Variants in RGS6 observed in about 807,000 individuals in gnomAD.
RGS6 encodes the protein regulator of G protein signaling 6, also known as regulator of G-protein signaling 6.
Under a neutral mutation model 78.5 loss-of-function variants are expected in RGS6, and 30 were observed. The ratio of observed to expected loss-of-function variants is 0.38; its 90% CI spans 0.29 to 0.52. RGS6 has a LOEUF of 0.52. RGS6 is among the 20% of genes least tolerant of loss of function. The pLI is 0.85. For missense variants in RGS6, 495 were observed against 609.7 expected (o/e 0.81, Z 1.98); for synonymous variants, 206 against 206.0 (o/e 1.00, Z 0.00).
intron 2 of RGS6, among the ~76,000 whole-genome samples, chr14:72,172,666 G>T (rs2097040988): frequency 6.6e-6 from 1 of 152,110 alleles, no homozygotes. Context: ...ATTTGGCATT[G>T]GATCTAGCAC....
At chr14:72,571,857 C>T in the RGS6 span, among the ~76,000 whole-genome samples, 3 of 152,182 alleles carry the variant, frequency 2.0e-5, no homozygotes, top group South Asian at 6.2e-4. Flanking sequence ...TCAAAGAACA[C>T]CATCAATAAA....
chr14:71,885,770 T>TA, the RGS6 span, among the ~76,000 whole-genome samples: 4 of 3,980 alleles, frequency 1.0e-3, no homozygotes, highest in African/African-American at 0.012. Flanking sequence ...TCCAATGCTG[T>TA]CTCTACTTTT....
the RGS6 span, among the ~76,000 whole-genome samples, chr14:72,627,664 C>T: frequency 6.6e-6 from 1 of 151,922 alleles, no homozygotes; most frequent in African/African-American, 2.4e-5. Flanking sequence ...ACTTAAGTAT[C>T]GATTTGTCTA....
At chr14:72,599,778 A>AG in the RGS6 span, among the ~76,000 whole-genome samples, 1 of 151,914 alleles carries the variant, frequency 6.6e-6, no homozygotes, top group African/African-American at 2.4e-5. Context: ...GGGAGCAGGG[A>AG]GATAGTGGGG....
At chr14:72,483,088 C>T (rs563205015) in intron 12 of RGS6, among the ~76,000 whole-genome samples, 5 of 152,296 alleles carry the variant, frequency 3.3e-5, no homozygotes, top group Admixed American at 1.3e-4. Flanking sequence ...TCTCTGCAAG[C>T]GTCCCCAAGG....
At chr14:72,396,149 A>G (rs953773674) in intron 3 of RGS6, among the ~76,000 whole-genome samples, 4 of 152,182 alleles carry the variant, frequency 2.6e-5, no homozygotes, top group African/African-American at 9.7e-5. Context: ...AGTCCCACCA[A>G]CAGTGTAAAA....
chr14:71,912,766 T>C, the RGS6 span, among the ~76,000 whole-genome samples: 1 of 152,216 alleles, frequency 6.6e-6, no homozygotes, highest in Non-Finnish European at 1.5e-5. Context: ...CCAAGCCACT[T>C]TGGGTCAGCT....
intron 3 of RGS6, among the ~76,000 whole-genome samples, chr14:72,433,281 T>TG (rs143876665): frequency 0.024 from 3,683 of 151,338 alleles, 152 homozygotes; most frequent in African/African-American, 0.085. Flanking sequence ...TTTCTTGGTT[T>TG]GGTAAGAATG....
chr14:72,065,701 G>T (rs1165306338), intron 2 of RGS6, among the ~76,000 whole-genome samples: 2 of 152,170 alleles, frequency 1.3e-5, no homozygotes, highest in African/African-American at 2.4e-5. Flanking sequence ...GTTTTCAGAG[G>T]AGTAAAGAGT....
At chr14:71,907,515 G>A in the RGS6 span, among the ~76,000 whole-genome samples, 1 of 152,156 alleles carries the variant, frequency 6.6e-6, no homozygotes, top group African/African-American at 2.4e-5. Flanking sequence ...AGGCAGGGCT[G>A]GAGAGGGTCT....
intron 2 of RGS6, among the ~76,000 whole-genome samples, chr14:72,006,666 T>A (rs2084629028): frequency 6.6e-6 from 1 of 152,188 alleles, no homozygotes; most frequent in Non-Finnish European, 1.5e-5. Context: ...GTCAAAACCG[T>A]CCGTCTAAAT....
chr14:72,523,847 G>C (rs1371142711), intron 15 of RGS6, among the ~76,000 whole-genome samples: 3 of 151,966 alleles, frequency 2.0e-5, no homozygotes, highest in African/African-American at 7.3e-5. Context: ...TTTTTTTAAG[G>C]ACTCAGTTCT....
At chr14:71,974,568 T>G (rs915453337) in intron 2 of RGS6, among the ~76,000 whole-genome samples, 4 of 152,242 alleles carry the variant, frequency 2.6e-5, no homozygotes, top group African/African-American at 9.6e-5. Context: ...TCTGTTCTGG[T>G]CAACCTAATA....
intron 2 of RGS6, among the ~76,000 whole-genome samples, chr14:72,043,922 C>T (rs1290783860): frequency 6.6e-6 from 1 of 152,154 alleles, no homozygotes; most frequent in African/African-American, 2.4e-5. Context: ...TGCTGCTGCT[C>T]CTTCCTACTC....
rs140274882 is a variant in RGS6, at chr14:72,481,070, G to A, written c.854+2741G>A. ...GGGGATGGGTCTGAAACCGACCATC[G>A]AGGTTTGAAACCTACCCCTGCCATT... On this transcript the variant is annotated intron_variant, in intron 12 of 17. Coordinates refer to ENST00000553525, the MANE Select transcript of RGS6 (RefSeq NM_001204424.2). Among the ~76,000 whole-genome samples the A allele has an allele frequency of 4.6e-3, 699 of 152,212 alleles. 4 individuals are homozygous for A. Among genetic ancestry groups the A allele is most frequent in the African/African-American group, 0.015 (637 of 41,530 alleles).
At chr14:72,519,981 T>A (rs963653667) in intron 15 of RGS6, among the ~76,000 whole-genome samples, 6 of 152,182 alleles carry the variant, frequency 3.9e-5, no homozygotes, top group African/African-American at 1.2e-4. Flanking sequence ...CTTGGAAAAG[T>A]GGAAACAGCA....
chr14:72,409,761 T>A (rs983686851), intron 3 of RGS6, among the ~76,000 whole-genome samples: 1 of 152,104 alleles, frequency 6.6e-6, no homozygotes, highest in African/African-American at 2.4e-5. Context: ...CCCCTTCCTG[T>A]GTCCATGTGT....
the RGS6 span, among the ~76,000 whole-genome samples, chr14:71,895,636 T>C: frequency 6.6e-6 from 1 of 152,190 alleles, no homozygotes; most frequent in Non-Finnish European, 1.5e-5. Flanking sequence ...TGGCTCAGTC[T>C]TAATGGGCAA....
intron 2 of RGS6, among the ~76,000 whole-genome samples, chr14:72,271,995 G>A (rs1176838280): frequency 6.7e-6 from 1 of 150,196 alleles, no homozygotes; most frequent in East Asian, 2.0e-4. Context: ...TGGGATAATC[G>A]AGGATAATCT....
Sources: allele counts gnomAD v4.1 joint callset (sites outside exome capture counted in the v4.1 genomes callset), GRCh38; gene constraint gnomAD v4.1.1; transcripts MANE v1.5; gene names NCBI Gene and HGNC (gene_info 2026-07-23, HGNC 2026-07-21).